Variants in ADGRB3 observed in about 807,000 individuals in gnomAD.
The protein encoded by ADGRB3 is brain-specific angiogenesis inhibitor 3.
In ADGRB3, 37 loss-of-function variants were observed where a neutral mutation model predicts 193.4. The ratio of observed to expected loss-of-function variants is 0.19; its 90% CI spans 0.15 to 0.25. The LOEUF is 0.25. Among genes scored for constraint, ADGRB3 ranks in the 10% least tolerant of loss-of-function variants. The pLI, the probability that ADGRB3 is intolerant of heterozygous loss-of-function variation, is 1.00. For missense variants in ADGRB3, 1,637 were observed against 1,852.9 expected, an observed-to-expected ratio of 0.88 and a Z score of 2.14; for synonymous variants, 690 against 644.2, an observed-to-expected ratio of 1.07 and a Z score of -1.08.
intron 10 of ADGRB3, among the ~76,000 whole-genome samples, chr6:68,976,272 T>C (rs1246568223): frequency 6.6e-6 from 1 of 152,242 alleles, no homozygotes; most frequent in Non-Finnish European, 1.5e-5. Flanking sequence ...GAATTAGTAT[T>C]TGTTTCATTA....
chr6:68,818,994 C>T (rs1280508062), intron 3 of ADGRB3, among the ~76,000 whole-genome samples: 1 of 152,086 alleles, frequency 6.6e-6, no homozygotes, highest in Admixed American at 6.6e-5. Flanking sequence ...GCTTCTTTAA[C>T]TTGAAATTTT....
chr6:68,736,159 C>G (rs1430556903), intron 3 of ADGRB3, among the ~76,000 whole-genome samples: 1 of 149,284 alleles, frequency 6.7e-6, no homozygotes, highest in African/African-American at 2.5e-5. Flanking sequence ...ACTATAGGCA[C>G]TTGCCAACAT....
At chr6:68,647,154 A>T (rs1007249745) in intron 3 of ADGRB3, among the ~76,000 whole-genome samples, 1 of 152,230 alleles carries the variant, frequency 6.6e-6, no homozygotes, top group Non-Finnish European at 1.5e-5. Context: ...TGGATTTCTT[A>T]TAACCTCTTA....
At chr6:69,255,684 T>G (rs1324001569) in intron 20 of ADGRB3, among the ~76,000 whole-genome samples, 1 of 152,226 alleles carries the variant, frequency 6.6e-6, no homozygotes, top group African/African-American at 2.4e-5. Context: ...TTTCTTTTGC[T>G]GTGCAGAAGC....
At chr6:69,133,309 G>C (rs749690675) in intron 17 of ADGRB3, among the ~76,000 whole-genome samples, 10 of 152,046 alleles carry the variant, frequency 6.6e-5, no homozygotes, top group Non-Finnish European at 1.2e-4. Flanking sequence ...TGGAGCAGTG[G>C]TTTGTAGCTC....
intron 3 of ADGRB3, among the ~76,000 whole-genome samples, chr6:68,666,413 G>C (rs1055662598): frequency 2.6e-5 from 4 of 151,862 alleles, no homozygotes; most frequent in African/African-American, 9.7e-5. Flanking sequence ...ATTTAGAAGA[G>C]AGTTGAACAA....
intron 3 of ADGRB3, among the ~76,000 whole-genome samples, chr6:68,643,393 C>A (rs1026797563): frequency 7.4e-5 from 10 of 135,386 alleles, no homozygotes; most frequent in African/African-American, 2.2e-4. Flanking sequence ...CCTCAGATAA[C>A]TTTAGGAGTC....
At chr6:69,237,610 CAT>C (rs1021891078) in intron 19 of ADGRB3, among the ~76,000 whole-genome samples, 12 of 151,942 alleles carry the variant, frequency 7.9e-5, no homozygotes, top group East Asian at 1.9e-4. Flanking sequence ...AAAATAGAAA[CAT>C]ATAAAAACTT....
chr6:69,053,597 C>T (rs1771460901), intron 15 of ADGRB3, among the ~76,000 whole-genome samples: 1 of 152,194 alleles, frequency 6.6e-6, no homozygotes, highest in African/African-American at 2.4e-5. Flanking sequence ...GTCACACCTC[C>T]CATTCCCCCT....
At chr6:68,672,594 G>A (rs1010169392) in intron 3 of ADGRB3, among the ~76,000 whole-genome samples, 5 of 151,956 alleles carry the variant, frequency 3.3e-5, no homozygotes, top group Non-Finnish European at 7.4e-5. Flanking sequence ...AGATCACAGG[G>A]CTGCCTGGTA....
In ADGRB3 at chr6:69,172,560, C is replaced by T. The variant is rs904821629; in HGVS notation, c.2481-60730C>T. Among the ~76,000 whole-genome samples, 6 of 130,780 alleles carry T rather than the reference C, an allele frequency of 4.6e-5. No individual in the cohort carries two copies. The East Asian group carries it at 1.5e-3, about 33-fold the overall frequency. 85.8% of individuals were successfully genotyped at this position (130,780 alleles called of 152,430 possible). A position where few individuals can be genotyped will look rare whatever the true frequency, so the allele number is the denominator to read the frequency against. ...TCGGGAGGCTGAGGCAGAAGAATGGCGTGAACCTGGGAGGCGGAGCTTGCA... is the reference window on the plus strand; with the variant it reads ...TCGGGAGGCTGAGGCAGAAGAATGGTGTGAACCTGGGAGGCGGAGCTTGCA... On this transcript the variant is annotated intron_variant, in intron 17 of 31. Coordinates refer to ENST00000370598, the MANE Select transcript of ADGRB3 (RefSeq NM_001704.3).
chr6:68,842,474 A>G (rs1458044163), intron 3 of ADGRB3, among the ~76,000 whole-genome samples: 2 of 151,980 alleles, frequency 1.3e-5, no homozygotes, highest in Non-Finnish European at 2.9e-5. Flanking sequence ...TTGAAATATG[A>G]AGAAATCCAA....
intron 29 of ADGRB3, among the ~76,000 whole-genome samples, chr6:69,366,410 A>T (rs1469398012): frequency 2.6e-5 from 4 of 152,102 alleles, no homozygotes; most frequent in Non-Finnish European, 5.9e-5. Flanking sequence ...AGTCAGTGGA[A>T]TTTATTACTT....
intron 3 of ADGRB3, among the ~76,000 whole-genome samples, chr6:68,791,633 G>A (rs1030664225): frequency 3.3e-5 from 5 of 152,150 alleles, no homozygotes; most frequent in Middle Eastern, 3.4e-3. Flanking sequence ...CTTTGAAGGA[G>A]GAAACTATGC....
intron 10 of ADGRB3, among the ~76,000 whole-genome samples, chr6:68,983,202 T>TCTAATAAATATAC (rs1296081510): frequency 6.6e-6 from 1 of 152,008 alleles, no homozygotes; most frequent in African/African-American, 2.4e-5. Context: ...ATGAAATATC[T>TCTAATAAATATAC]CTAATAAATA....
intron 17 of ADGRB3, among the ~76,000 whole-genome samples, chr6:69,122,946 A>G (rs1049595861): frequency 1.3e-5 from 2 of 151,900 alleles, no homozygotes; most frequent in East Asian, 1.9e-4. Context: ...ATCTATCTAT[A>G]TAGATATATG....
At chr6:69,210,839 G>A (rs1765648292) in intron 17 of ADGRB3, among the ~76,000 whole-genome samples, 3 of 152,114 alleles carry the variant, frequency 2.0e-5, no homozygotes, top group African/African-American at 7.2e-5. Flanking sequence ...AGAACGGCCA[G>A]GCATGGTGGC....
chr6:68,646,489 A>AG (rs1479567197), intron 3 of ADGRB3, among the ~76,000 whole-genome samples: 51 of 151,266 alleles, frequency 3.4e-4, no homozygotes, highest in Admixed American at 7.9e-4. Flanking sequence ...AAAAAAAAAA[A>AG]AAAAGAAAAA....
chr6:69,073,143 A>G (rs1303520170), intron 16 of ADGRB3, among the ~76,000 whole-genome samples: 1 of 152,188 alleles, frequency 6.6e-6, no homozygotes, highest in Non-Finnish European at 1.5e-5. Flanking sequence ...TTCCATGTCT[A>G]TGTTCCTCAT....
Sources: gnomAD v4.1 joint callset for allele counts (sites outside exome capture counted in the v4.1 genomes callset) on GRCh38, gnomAD v4.1.1 for gene constraint, MANE v1.5 for transcripts, NCBI Gene and HGNC (gene_info 2026-07-23, HGNC 2026-07-21) for gene names.